PCDH19: variants seen among roughly 807,000 people sequenced by gnomAD.
The protein encoded by PCDH19 is protocadherin-19.
In PCDH19, 6 loss-of-function variants were observed where a neutral mutation model predicts 46.2. The ratio of observed to expected loss-of-function variants is 0.13; its 90% CI spans 0.07 to 0.26. PCDH19 has a LOEUF of 0.26. Ranked by LOEUF, PCDH19 falls within the 10% of genes least tolerant of loss-of-function variation. The pLI is 1.00. For missense variants in PCDH19, 740 were observed against 972.3 expected (o/e 0.76, Z 3.18); for synonymous variants, 481 against 415.7 (o/e 1.16, Z -1.91).
At chrX:100,362,589 T>A (rs1170375838) in intron 3 of PCDH19, among the ~76,000 whole-genome samples, 4 of 107,815 alleles carry the variant, frequency 3.7e-5, no homozygotes, top group Non-Finnish European at 7.7e-5. Flanking sequence ...GTCAGCTGAT[T>A]GAGACCATCC....
rs1491160242 is a variant in PCDH19 at position 100,309,155 on chromosome X, C to CACACACACACACAT, written c.2849-12281_2849-12280insATGTGTGTGTGTGT. Among the ~76,000 whole-genome samples the CACACACACACACAT allele has an allele frequency of 0.019, 186 of 9,790 alleles. No individual in the cohort carries two copies. In the East Asian group the frequency reaches 0.5, roughly 26 times the overall value. The allele number at this position is 9,790 out of a possible 115,157, so 8.5% of individuals were successfully genotyped here. A position where few individuals can be genotyped will look rare whatever the true frequency, so the allele number is the denominator to read the frequency against. The stretch of plus-strand genomic sequence containing the variant: ...GAGGATACAGAAAATGTGATGCATG[C>CACACACACACACAT]ACACACACACACACACACACACACA... On this transcript the variant is annotated intron_variant, in intron 5 of 5. Coordinates refer to ENST00000373034, the MANE Select transcript of PCDH19 (RefSeq NM_001184880.2).
chrX:100,304,704 G>A (rs1286368693), intron 5 of PCDH19, among the ~76,000 whole-genome samples: 1 of 111,346 alleles, frequency 9.0e-6, no homozygotes, highest in Non-Finnish European at 1.9e-5. Context: ...AAGTCTTCAG[G>A]GAAATAGATA....
chrX:100,296,413 CCATTGTTGA>C lies in PCDH19; in HGVS notation c.3302_3310del (p.Val1101_Asn1103del), dbSNP rs750470204. Reference sequence around the variant, plus strand: ...CTCAGCTTCAGAGGGACGAGTAGGGCCATTGTTGACATTGTTGACATACTGCTCCAGATC... The same window carrying C: ...CTCAGCTTCAGAGGGACGAGTAGGGCCATTGTTGACATACTGCTCCAGATC... On this transcript the variant is annotated inframe_deletion, in exon 6 of 6. Transcript: ENST00000373034. The C allele has an allele frequency of 1.7e-6, 2 of 1,209,080 alleles. No individual in the cohort carries two copies. Among genetic ancestry groups the C allele is most frequent in the African/African-American group, 3.5e-5 (2 of 56,969 alleles).
At chrX:100,381,346 T>C (rs1489583736) in intron 3 of PCDH19, among the ~76,000 whole-genome samples, 2 of 112,356 alleles carry the variant, frequency 1.8e-5, no homozygotes. Context: ...CTATAGTATA[T>C]GTCTGTGATA....
At chrX:100,377,106 T>G (rs1159124951) in intron 3 of PCDH19, among the ~76,000 whole-genome samples, 1 of 112,368 alleles carries the variant, frequency 8.9e-6, no homozygotes, top group Non-Finnish European at 1.9e-5. Flanking sequence ...TATTTCTCTA[T>G]GCCTAATTTA....
chrX:100,357,485 C>T lies in PCDH19; in HGVS notation c.2617-6781G>A, dbSNP rs187704143. ...ATCACCTTGTGTCATTTTTTTCTCA[C>T]CTGCATTTGTTCTACCTCATTCTGC... is the stretch of plus-strand genomic sequence containing the variant. On this transcript the variant is annotated intron_variant, in intron 3 of 5. Coordinates refer to ENST00000373034, the MANE Select transcript of PCDH19 (RefSeq NM_001184880.2). Among the ~76,000 whole-genome samples the T allele has an allele frequency of 3.5e-3, 395 of 112,019 alleles. 2 individuals carry two copies. Among genetic ancestry groups the T allele is most frequent in the African/African-American group, 0.012 (380 of 30,864 alleles).
chrX:100,379,566 C>A (rs1223642473), intron 3 of PCDH19, among the ~76,000 whole-genome samples: 1 of 111,753 alleles, frequency 8.9e-6, no homozygotes, highest in African/African-American at 3.3e-5. Flanking sequence ...GCTTTTGATG[C>A]GTCTATACGC....
rs1928381502 is a variant in PCDH19 at position 100,407,072 on chromosome X, T to C, written c.1526A>G (p.Asn509Ser). 2.5e-6 allele frequency: 3 copies of C among 1,211,448 alleles called. No individual in the cohort carries two copies. Among genetic ancestry groups the C allele is most frequent in the African/African-American group, 1.7e-5 (1 of 57,720 alleles). Residue 509 changes from asparagine to serine, a missense_variant, in exon 1 of 6, where the codon AAT (asparagine) becomes AGT (serine). By Grantham distance (46) the Asn-to-Ser change is conservative (BLOSUM62 1). Coordinates refer to ENST00000373034, the MANE Select transcript of PCDH19 (RefSeq NM_001184880.2). ...DMPVFTYVSI[N>S]PNSGDIYALR... ...CGCGTAGATGTCGCCTGAGTTGGGA[T>C]TGATGGAGACATAGGTGAAGACAGG...
rs773867181 is a variant in PCDH19, at chrX:100,353,572, A to C, written c.2617-2868T>G. Among the ~76,000 whole-genome samples, 12 of 111,071 alleles carry C rather than the reference A, an allele frequency of 1.1e-4. No homozygotes were observed. The South Asian group carries it at 4.6e-3, about 43-fold the overall frequency. ...AATATATCTCATCATGAGGATTCCC[A>C]CTCCCAGGCACTGAGTTGAGAAGAG... On this transcript the variant is annotated intron_variant, in intron 3 of 5. Coordinates refer to ENST00000373034, the MANE Select transcript of PCDH19 (RefSeq NM_001184880.2).
At chrX:100,381,531 C>G (rs899767661) in intron 3 of PCDH19, among the ~76,000 whole-genome samples, 1 of 111,542 alleles carries the variant, frequency 9.0e-6, no homozygotes, top group Non-Finnish European at 1.9e-5. Flanking sequence ...TCTTTACTTA[C>G]GCCAAGAGAA....
At chrX:100,304,797 T>C (rs1197293837) in intron 5 of PCDH19, among the ~76,000 whole-genome samples, 2 of 111,940 alleles carry the variant, frequency 1.8e-5, no homozygotes, top group African/African-American at 3.2e-5. Flanking sequence ...GTCTCAGCAA[T>C]AGAATTGAAC....
intron 5 of PCDH19, among the ~76,000 whole-genome samples, chrX:100,340,554 A>AT (rs1602594239): frequency 9.0e-6 from 1 of 111,605 alleles, no homozygotes; most frequent in South Asian, 3.7e-4. Flanking sequence ...TAACTGTTTA[A>AT]TTTTTTTCAT....
In PCDH19 at chrX:100,407,035, A is replaced by G; in HGVS notation, c.1563T>C (p.Phe521=). 8.3e-7 allele frequency: 1 copy of G among 1,211,424 alleles called. No individual in the cohort carries two copies. Among genetic ancestry groups the G allele is most frequent in the South Asian group, 1.8e-5 (1 of 56,936 alleles). The change falls in exon 1 of 6, where the codon TTT becomes TTC. Residue 521 remains phenylalanine (F), a synonymous_variant. Transcript: ENST00000373034. ...CGAACGCCTTGGTCTGCTCGTGGTTAAAGGATCGCAGCGCGTAGATGTCGC... is the reference window on the plus strand; with the variant it reads ...CGAACGCCTTGGTCTGCTCGTGGTTGAAGGATCGCAGCGCGTAGATGTCGC... ...NSGDIYALRS[F]NHEQTKAFEF...
At chrX:100,317,602 A>C (rs1311388995) in intron 5 of PCDH19, among the ~76,000 whole-genome samples, 3 of 110,282 alleles carry the variant, frequency 2.7e-5, no homozygotes, top group African/African-American at 6.6e-5. Flanking sequence ...TATTTAAAAA[A>C]AAAAAAAAAA....
At position 100,403,598 on chromosome X, in the gene PCDH19, A is replaced by G; in HGVS notation, c.2214T>C (p.His738=). 8.3e-7 allele frequency: 1 copy of G among 1,207,519 alleles called. No individual in the cohort carries two copies. The highest frequency in any genetic ancestry group is 1.1e-6 in the Non-Finnish European group (1 of 892,478). ...FIKGQNSKCL[H]CISVSPISEE... is the part of the protein sequence containing the mutation. ...CGCTAATGGGAGAAACCGAGATGCAATGCAGACACTTGCTGTTTTGTCCTT... is the reference window on the plus strand; with the variant it reads ...CGCTAATGGGAGAAACCGAGATGCAGTGCAGACACTTGCTGTTTTGTCCTT... Residue 738 remains histidine, a synonymous_variant, in exon 2 of 6, where the codon CAT becomes CAC. Transcript: ENST00000373034.
At chrX:100,322,865 A>ATATATATTTTTTT in intron 5 of PCDH19, among the ~76,000 whole-genome samples, 593 of 54,255 alleles carry the variant, frequency 0.011, 11 homozygotes, top group Non-Finnish European at 0.017. Context: ...ATATATATAT[A>ATATATATTTTTTT]TTTTTGCAGC....
chrX:100,378,263 T>C (rs966158594), intron 3 of PCDH19, among the ~76,000 whole-genome samples: 7 of 112,800 alleles, frequency 6.2e-5, no homozygotes, highest in African/African-American at 2.3e-4. Context: ...GGCATGGAAA[T>C]AAGAATGTGT....
chrX:100,366,652 T>C (rs1746711410), intron 3 of PCDH19, among the ~76,000 whole-genome samples: 1 of 112,356 alleles, frequency 8.9e-6, no homozygotes, highest in Non-Finnish European at 1.9e-5. Flanking sequence ...ACAAGGAAAA[T>C]GTTTAAACTA....
In PCDH19 at chrX:100,294,155, C is replaced by T. The variant is rs1924518459; in HGVS notation, c.*2122G>A. ...ATTTTTAATGTGTTAATCAAATAGTCACTTGCAAAGAGAAATAAATACTTA... is the reference window on the plus strand; with the variant it reads ...ATTTTTAATGTGTTAATCAAATAGTTACTTGCAAAGAGAAATAAATACTTA... On this transcript the variant is annotated 3_prime_UTR_variant, in exon 6 of 6. Transcript: ENST00000373034. 1 of 111,978 alleles carries T rather than the reference C, an allele frequency of 8.9e-6. No homozygotes were observed. The highest frequency in any genetic ancestry group is 3.7e-4 in the South Asian group (1 of 2,698). The allele number at this position is 111,978 out of a possible 1,213,427, so 9.2% of individuals were successfully genotyped here. A position where few individuals can be genotyped will look rare whatever the true frequency, so the allele number is the denominator to read the frequency against.
Sources: gnomAD v4.1 joint callset for allele counts (sites outside exome capture counted in the v4.1 genomes callset) on GRCh38, gnomAD v4.1.1 for gene constraint, MANE v1.5 for transcripts, NCBI Gene and HGNC (gene_info 2026-07-23, HGNC 2026-07-21) for gene names.